GLT1D1: variants seen among roughly 807,000 people sequenced by gnomAD.
GLT1D1 encodes glycosyltransferase 1 domain containing 1.
GLT1D1 carries 21 observed loss-of-function variants against 28.7 expected under a neutral mutation model. That is an observed-to-expected ratio of 0.73 (90% CI 0.52 to 1.05). The LOEUF (loss-of-function observed/expected upper bound fraction) is 1.05, where lower values mean the gene tolerates loss of function less well. Ranked by LOEUF, GLT1D1 falls within the 50% of genes least tolerant of loss-of-function variation. GLT1D1 has a pLI of 0.00. For synonymous variants in GLT1D1, 147 were observed against 124.8 expected, an observed-to-expected ratio of 1.18 and a Z score of -1.19; for missense variants, 343 against 330.6, an observed-to-expected ratio of 1.04 and a Z score of -0.29.
intron 7 of GLT1D1, among the ~76,000 whole-genome samples, chr12:128,974,795 C>G (rs1879605748): frequency 6.6e-6 from 1 of 152,248 alleles, no homozygotes; most frequent in Non-Finnish European, 1.5e-5. Context: ...AATTCTGAAG[C>G]CTCATTCCGT....
chr12:128,912,522 AG>A, intron 4 of GLT1D1, 62 bp downstream of exon 5: 1 of 790,350 alleles, frequency 1.3e-6, no homozygotes, highest in South Asian at 1.9e-5. Flanking sequence ...ATATCAAAAT[AG>A]ATGCATATTT....
Position 128,947,473 on chromosome 12 carries a change from C to T in GLT1D1, c.540+15C>T, listed in dbSNP as rs778884583. On this transcript the variant is annotated intron_variant, in intron 6 of 7. Transcript: ENST00000281703. Reference sequence around the variant, plus strand: ...CAATTTTGGAGGTAATTATGTAACTCGAGTACTGAAAGTGGGAGTGTGAAA... The same window carrying T: ...CAATTTTGGAGGTAATTATGTAACTTGAGTACTGAAAGTGGGAGTGTGAAA... 1.3e-5 allele frequency: 21 copies of T among 1,613,770 alleles called. No homozygotes were observed. Among genetic ancestry groups the T allele is most frequent in the South Asian group, 5.5e-5 (5 of 91,068 alleles).
intron 1 of GLT1D1, among the ~76,000 whole-genome samples, chr12:128,862,740 C>T (rs1414768858): frequency 2.6e-5 from 4 of 152,202 alleles, no homozygotes; most frequent in East Asian, 1.9e-4. Flanking sequence ...CACACAGAGC[C>T]GGCGTCAGCA....
chr12:128,870,905 C>T (rs1425951538), intron 1 of GLT1D1, among the ~76,000 whole-genome samples: 2 of 152,118 alleles, frequency 1.3e-5, no homozygotes, highest in South Asian at 2.1e-4. Flanking sequence ...ACACAAGAAT[C>T]GCTTGAACCC....
At chr12:128,980,038 C>T (rs899971885) in intron 7 of GLT1D1, among the ~76,000 whole-genome samples, 1 of 152,232 alleles carries the variant, frequency 6.6e-6, no homozygotes, top group African/African-American at 2.4e-5. Context: ...TAAGCTGAAC[C>T]ATCATAAGTC....
chr12:128,960,479 C>T (rs995006053), intron 7 of GLT1D1, among the ~76,000 whole-genome samples: 2 of 152,074 alleles, frequency 1.3e-5, no homozygotes, highest in South Asian at 2.1e-4. Flanking sequence ...AATATGAGGC[C>T]GGGCACAGTG....
At chr12:128,880,823 C>T (rs1280810122) in intron 2 of GLT1D1, among the ~76,000 whole-genome samples, 1 of 152,076 alleles carries the variant, frequency 6.6e-6, no homozygotes, top group East Asian at 1.9e-4. Context: ...CACCCAGAAA[C>T]GACCACTGTT....
At chr12:128,909,344 C>T (rs1172532696) in intron 4 of GLT1D1, among the ~76,000 whole-genome samples, 4 of 151,286 alleles carry the variant, frequency 2.6e-5, no homozygotes, top group African/African-American at 4.9e-5. Flanking sequence ...TTTTTATGCA[C>T]GATAACAGAT....
chr12:128,965,340 C>T (rs962010521), intron 7 of GLT1D1, among the ~76,000 whole-genome samples: 1 of 152,106 alleles, frequency 6.6e-6, no homozygotes, highest in African/African-American at 2.4e-5. Flanking sequence ...TGGCTTGGGC[C>T]CTACAACCAC....
At chr12:128,912,544 A>AAT (rs57936351) in intron 4 of GLT1D1, 84 bp downstream of exon 5, 312 of 525,886 alleles carry the variant, frequency 5.9e-4, no homozygotes, top group Middle Eastern at 2.6e-3. Flanking sequence ...ATATGTGATA[A>AAT]ATATATATAT....
At chr12:128,969,982 G>A (rs557169411) in intron 7 of GLT1D1, among the ~76,000 whole-genome samples, 1 of 152,282 alleles carries the variant, frequency 6.6e-6, no homozygotes, top group East Asian at 1.9e-4. Flanking sequence ...GCCTGTGTGC[G>A]CTTCCTGGAG....
intron 4 of GLT1D1, among the ~76,000 whole-genome samples, chr12:128,905,064 T>C (rs1341170490): frequency 7.0e-6 from 1 of 142,312 alleles, no homozygotes; most frequent in Non-Finnish European, 1.5e-5. Flanking sequence ...CCACCGCGCC[T>C]GGCCCATTTC....
intron 1 of GLT1D1, chr12:128,864,315 T>C: frequency 4.7e-6 from 2 of 422,236 alleles, no homozygotes; most frequent in Admixed American, 4.3e-5. Context: ...GGATATAACA[T>C]GATCAGAAAG....
chr12:128,894,712 T>C (rs1869434763), intron 3 of GLT1D1, among the ~76,000 whole-genome samples: 2 of 151,668 alleles, frequency 1.3e-5, no homozygotes, highest in South Asian at 4.2e-4. Context: ...TAGCCGAGCA[T>C]GGTGGTGCGT....
chr12:128,968,032 T>C (rs1181237675), intron 7 of GLT1D1, among the ~76,000 whole-genome samples: 1 of 152,164 alleles, frequency 6.6e-6, no homozygotes, highest in Non-Finnish European at 1.5e-5. Flanking sequence ...AGTCTCGCTC[T>C]GTCGCCCAGG....
intron 4 of GLT1D1, among the ~76,000 whole-genome samples, chr12:128,919,304 C>T (rs919936030): frequency 3.9e-5 from 6 of 152,272 alleles, no homozygotes; most frequent in Non-Finnish European, 7.4e-5. Flanking sequence ...TGATCAGATA[C>T]CATCTGCCTT....
chr12:128,912,292 C>T (rs111920616), intron 4 of GLT1D1, 132 bp from the exon 5 acceptor site: 217 of 510,288 alleles, frequency 4.3e-4, no homozygotes, highest in African/African-American at 3.3e-3. Flanking sequence ...CTATGAGCAG[C>T]TGTGTAGATG....
At chr12:128,929,736 C>T (rs1027753594) in intron 4 of GLT1D1, among the ~76,000 whole-genome samples, 17 of 152,026 alleles carry the variant, frequency 1.1e-4, no homozygotes, top group African/African-American at 2.4e-4. Flanking sequence ...CCAAGAGGGG[C>T]GATCACCTGA....
intron 4 of GLT1D1, among the ~76,000 whole-genome samples, chr12:128,940,000 G>GCA (rs1555272040): frequency 1.8e-4 from 28 of 151,742 alleles, no homozygotes; most frequent in African/African-American, 2.2e-4. Context: ...ACATATGTGT[G>GCA]CATATATAAG....
Sources: gnomAD v4.1 joint callset for allele counts (sites outside exome capture counted in the v4.1 genomes callset) on GRCh38, gnomAD v4.1.1 for gene constraint, MANE v1.5 for transcripts, NCBI Gene and HGNC (gene_info 2026-07-23, HGNC 2026-07-21) for gene names.